Variants in NUP98 observed in about 807,000 individuals in gnomAD.
NUP98 encodes the protein nucleoporin 98 and 96 precursor, also known as nuclear pore complex protein Nup98-Nup96.
A neutral mutation model predicts 191.9 loss-of-function variants in NUP98; 26 were observed. The ratio of observed to expected loss-of-function variants is 0.14; its 90% CI spans 0.10 to 0.19. The LOEUF is 0.19. NUP98 is among the 10% of genes least tolerant of loss of function. The pLI is 1.00. For synonymous variants in NUP98, 808 were observed against 778.4 expected (o/e 1.04, Z -0.63); for missense variants, 1,941 against 2,178.8 (o/e 0.89, Z 2.17).
Position 3,731,596 on chromosome 11 carries a change from C to T in NUP98, c.1543-18G>A. On this transcript the variant is annotated intron_variant, in intron 13 of 32. Transcript: ENST00000324932. ...TTCAATCTCTGAAAAACAAAAGCAT[C>T]AAGGAAATTTTTGGTTTACTTTAAA... is the stretch of plus-strand genomic sequence containing the variant. The T allele has an allele frequency of 6.7e-7, 1 of 1,503,240 alleles. No homozygotes were observed. The allele number at this position is 1,503,240 out of a possible 1,614,324, so 93.1% of individuals were successfully genotyped here. A position where few individuals can be genotyped will look rare whatever the true frequency, so the allele number is the denominator to read the frequency against.
At chr11:3,773,533 G>T in intron 6 of NUP98, 99 bp downstream of exon 6, 1 of 651,248 alleles carries the variant, frequency 1.5e-6, no homozygotes, top group East Asian at 3.0e-5. Flanking sequence ...AACCCAAACT[G>T]AACCACTCTA....
Position 3,744,611 on chromosome 11 carries a change from G to C in NUP98, c.1306C>G (p.Gln436Glu). 1 of 1,613,318 alleles carries C rather than the reference G, an allele frequency of 6.2e-7. No individual in the cohort carries two copies. The highest frequency in any genetic ancestry group is 8.5e-7 in the Non-Finnish European group (1 of 1,179,506). The change falls in exon 12 of 33, where the codon CAA becomes GAA. Residue 436 changes from glutamine to glutamate, a missense_variant. Transcript: ENST00000324932. Reference protein sequence around the residue: ...AGQASLFGNNQPKIGGPLGTG... With the variant: ...AGQASLFGNNEPKIGGPLGTG... ...CCAAGAGGCCCTCCAATCTTAGGTT[G>C]GTTGTTCCCAAACAAAGATGCCTGT...
rs1564821342 is a variant in NUP98 at position 3,702,313 on chromosome 11, A to ACACTCTCT, written c.3512+149_3512+150insAGAGAGTG. The ACACTCTCT allele has an allele frequency of 5.4e-5, 19 of 349,256 alleles. 1 individual carries two copies. The highest frequency in any genetic ancestry group is 1.5e-4 in the South Asian group (5 of 33,548). 21.6% of individuals were successfully genotyped at this position (349,256 alleles called of 1,614,324 possible). A position where few individuals can be genotyped will look rare whatever the true frequency, so the allele number is the denominator to read the frequency against. ...CACACACACACACACACACACACACACTCTCTCTCTCTCTCTCTCTCTCTC... is the reference window on the plus strand; with the variant it reads ...CACACACACACACACACACACACACACACTCTCTCTCTCTCTCTCTCTCTCTCTCTCTC... On this transcript the variant is annotated intron_variant, in intron 23 of 32. Coordinates refer to ENST00000324932, the MANE Select transcript of NUP98 (RefSeq NM_016320.5).
chr11:3,718,775 T>C (rs555147688), intron 18 of NUP98, among the ~76,000 whole-genome samples: 1 of 152,252 alleles, frequency 6.6e-6, no homozygotes, highest in South Asian at 2.1e-4. Flanking sequence ...GAAACAGGAA[T>C]AAAGCAAAAT....
At chr11:3,703,623 G>A (rs1228327875) in intron 22 of NUP98, among the ~76,000 whole-genome samples, 1 of 152,118 alleles carries the variant, frequency 6.6e-6, no homozygotes, top group Non-Finnish European at 1.5e-5. Flanking sequence ...AGGACCAGGA[G>A]ACAAGCCAAG....
chr11:3,701,255 ATTTTTTTTT>A (rs71041374), intron 23 of NUP98, among the ~76,000 whole-genome samples: 2 of 125,860 alleles, frequency 1.6e-5, no homozygotes, highest in Admixed American at 1.6e-4. Flanking sequence ...GCTTGTTCCA[ATTTTTTTTT>A]TTTTTTTTTT....
intron 20 of NUP98, among the ~76,000 whole-genome samples, chr11:3,707,620 TGCCTGGGATTAC>T (rs1257449282): frequency 6.6e-6 from 1 of 150,498 alleles, no homozygotes; most frequent in Non-Finnish European, 1.5e-5. Flanking sequence ...TAGTGGCATG[TGCCTGGGATTAC>T]AGGCACATGC....
intron 13 of NUP98, among the ~76,000 whole-genome samples, chr11:3,733,485 T>G (rs1019183616): frequency 6.6e-6 from 1 of 152,068 alleles, no homozygotes; most frequent in East Asian, 1.9e-4. Flanking sequence ...CTAATTTTTT[T>G]TTATTTAGTA....
chr11:3,719,510 T>A lies in NUP98; in HGVS notation c.2301A>T (p.Thr767=). The stretch of plus-strand genomic sequence containing the variant: ...GCACAATATCATCCAAATTTAGATT[T>A]GTCAAATTCACATCTCCTTCAAAAT... ...SIYFEGDVNL[T]NLNLDDIVHI... is the part of the protein sequence containing the mutation. Residue 767 remains threonine, a synonymous_variant, in exon 18 of 33, where the codon ACA becomes ACT. Coordinates refer to ENST00000324932, the MANE Select transcript of NUP98 (RefSeq NM_016320.5). 1 of 1,591,388 alleles carries A rather than the reference T, an allele frequency of 6.3e-7. No homozygotes were observed. The highest frequency in any genetic ancestry group is 1.2e-5 in the South Asian group (1 of 86,594).
At chr11:3,740,965 T>C (rs1221467645) in intron 12 of NUP98, among the ~76,000 whole-genome samples, 1 of 151,862 alleles carries the variant, frequency 6.6e-6, no homozygotes, top group Admixed American at 6.6e-5. Context: ...ATTACAGGCA[T>C]GTGCCACCAT....
At chr11:3,748,623 G>C (rs991590351) in intron 11 of NUP98, among the ~76,000 whole-genome samples, 1 of 152,026 alleles carries the variant, frequency 6.6e-6, no homozygotes, top group African/African-American at 2.4e-5. Flanking sequence ...TGGCCAACAT[G>C]GTGAAACCCC....
chr11:3,777,620 C>CAAAA (rs35614116), intron 4 of NUP98, among the ~76,000 whole-genome samples: 54 of 59,152 alleles, frequency 9.1e-4, no homozygotes, highest in African/African-American at 1.5e-3. Context: ...GACTCCGTCT[C>CAAAA]AAAAAAAAAA....
chr11:3,767,390 C>T (rs972577705), intron 8 of NUP98, among the ~76,000 whole-genome samples: 1 of 151,718 alleles, frequency 6.6e-6, no homozygotes, highest in Admixed American at 6.6e-5. Flanking sequence ...TGCCATGGAG[C>T]AATCTCAGCT....
intron 12 of NUP98, among the ~76,000 whole-genome samples, chr11:3,737,471 GAA>G (rs771510582): frequency 6.6e-6 from 1 of 152,000 alleles, no homozygotes; most frequent in East Asian, 1.9e-4. Context: ...TAACAAAATA[GAA>G]AAAATTAGCC....
At position 3,731,528 on chromosome 11, in the gene NUP98, A is replaced by G; in HGVS notation, c.1593T>C (p.Thr531=). The change falls in exon 14 of 33, where the codon ACT becomes ACC. Residue 531 remains threonine (T), a synonymous_variant. Coordinates refer to ENST00000324932, the MANE Select transcript of NUP98 (RefSeq NM_016320.5). ...PAAQKALTTP[T]HYKLTPRPAT... is the part of the protein sequence containing the mutation. Reference sequence around the variant, plus strand: ...CAGGGCGGGGTGTCAGTTTATAATGAGTAGGTGTAGTAAGAGCCTTCTGGG... The same window carrying G: ...CAGGGCGGGGTGTCAGTTTATAATGGGTAGGTGTAGTAAGAGCCTTCTGGG... 6.2e-7 allele frequency: 1 copy of G among 1,604,862 alleles called. No homozygotes were observed. Among genetic ancestry groups the G allele is most frequent in the Non-Finnish European group, 8.5e-7 (1 of 1,175,200 alleles).
chr11:3,782,928 G>T (rs1463673652), intron 1 of NUP98, among the ~76,000 whole-genome samples: 1 of 152,160 alleles, frequency 6.6e-6, no homozygotes, highest in Non-Finnish European at 1.5e-5. Flanking sequence ...ATAAAACATG[G>T]TAATAGTAAA....
At chr11:3,745,017 C>A (rs1238544814) in intron 11 of NUP98, among the ~76,000 whole-genome samples, 1 of 152,128 alleles carries the variant, frequency 6.6e-6, no homozygotes, top group African/African-American at 2.4e-5. Context: ...TCCCTTTTAA[C>A]AGAGGAGAAA....
chr11:3,748,540 G>A (rs2080597652), intron 11 of NUP98, among the ~76,000 whole-genome samples: 1 of 152,024 alleles, frequency 6.6e-6, no homozygotes, highest in Non-Finnish European at 1.5e-5. Flanking sequence ...TAAAACTTGT[G>A]GCCCAGCACA....
chr11:3,675,957 T>C lies in NUP98; in HGVS notation c.*202A>G, dbSNP rs1311346156. ...CTTGAGGATGGTAAACTGTCTCCTC[T>C]TCTGGGTTCCAGAAGCCCTTATGCT... On this transcript the variant is annotated 3_prime_UTR_variant, in exon 33 of 33. Coordinates refer to ENST00000324932, the MANE Select transcript of NUP98 (RefSeq NM_016320.5). 27 of 589,736 alleles carry C rather than the reference T, an allele frequency of 4.6e-5. No homozygotes were observed. The Admixed American group carries it at 7.9e-4, about 17-fold the overall frequency. The allele number at this position is 589,736 out of a possible 1,614,324, so 36.5% of individuals were successfully genotyped here.
Sources: gnomAD v4.1 joint callset for allele counts (sites outside exome capture counted in the v4.1 genomes callset) on GRCh38, gnomAD v4.1.1 for gene constraint, MANE v1.5 for transcripts, NCBI Gene and HGNC (gene_info 2026-07-23, HGNC 2026-07-21) for gene names.